The following NRXN3 variants were observed in gnomAD, a reference collection of about 807,000 sequenced individuals.
The protein encoded by NRXN3 is neurexin III.
A neutral mutation model predicts 137.6 loss-of-function variants in NRXN3; 32 were observed. The observed-to-expected ratio is 0.23, with a 90% CI of 0.18 to 0.31. NRXN3 has a LOEUF of 0.31. NRXN3 is among the 10% of genes least tolerant of loss of function. NRXN3 has a pLI of 1.00. For missense variants in NRXN3, 1,574 were observed against 2,062.5 expected, an observed-to-expected ratio of 0.76 and a Z score of 4.59; for synonymous variants, 798 against 784.5, an observed-to-expected ratio of 1.02 and a Z score of -0.29.
intron 15 of NRXN3, among the ~76,000 whole-genome samples, chr14:79,157,586 A>G (rs1398884249): frequency 6.6e-6 from 1 of 151,866 alleles, no homozygotes; most frequent in African/African-American, 2.4e-5. Flanking sequence ...TGTCATCCTC[A>G]TAGATTCCCT....
At chr14:78,216,287 G>A (rs568186065) in intron 1 of NRXN3, among the ~76,000 whole-genome samples, 13 of 152,016 alleles carry the variant, frequency 8.6e-5, no homozygotes, top group Admixed American at 1.3e-4. Context: ...GCTTAGTGCC[G>A]ATGACAGTTT....
chr14:79,435,404 A>C (rs1337302220), intron 15 of NRXN3, among the ~76,000 whole-genome samples: 1 of 152,066 alleles, frequency 6.6e-6, no homozygotes, highest in Non-Finnish European at 1.5e-5. Context: ...TCTTTTGTGC[A>C]CGTGTTGCTG....
chr14:79,665,235 C>CA (rs1277197626), intron 17 of NRXN3, among the ~76,000 whole-genome samples: 1 of 152,096 alleles, frequency 6.6e-6, no homozygotes, highest in Non-Finnish European at 1.5e-5. Flanking sequence ...AAACAGCATG[C>CA]AAGACCCCCA....
At position 79,428,899 on chromosome 14, in the gene NRXN3, G is replaced by A. The variant is rs937952767; in HGVS notation, c.3263-38322G>A. Among the ~76,000 whole-genome samples the A allele has an allele frequency of 3.3e-5, 5 of 152,180 alleles. No homozygotes were observed. In the South Asian group the frequency reaches 1.0e-3, roughly 31 times the overall value. On this transcript the variant is annotated intron_variant, in intron 15 of 20. Transcript: ENST00000335750. Reference sequence around the variant, plus strand: ...AGGAGTGGGCAGATATGTTCTTGAAGAGAATAAATGCAGAACATTATTCTT... The same window carrying A: ...AGGAGTGGGCAGATATGTTCTTGAAAAGAATAAATGCAGAACATTATTCTT...
At chr14:78,544,441 G>A (rs1228549594) in intron 4 of NRXN3, among the ~76,000 whole-genome samples, 1 of 152,208 alleles carries the variant, frequency 6.6e-6, no homozygotes, top group African/African-American at 2.4e-5. Flanking sequence ...CCCTGCCTGA[G>A]TACTTATTTC....
At chr14:78,921,561 T>C (rs751771279) in intron 10 of NRXN3, among the ~76,000 whole-genome samples, 4 of 152,202 alleles carry the variant, frequency 2.6e-5, no homozygotes, top group Non-Finnish European at 5.9e-5. Flanking sequence ...TCTCATCTTT[T>C]TGACATGGTG....
chr14:79,470,947 A>AGTGTGT (rs777013517), intron 16 of NRXN3, among the ~76,000 whole-genome samples: 8 of 102,724 alleles, frequency 7.8e-5, no homozygotes, highest in Admixed American at 2.8e-4. Flanking sequence ...AGAAAGAGAG[A>AGTGTGT]GAGAGTGTGT....
In NRXN3 at chr14:78,285,622, C is replaced by T. The variant is rs143733776; in HGVS notation, c.727+6960C>T. Among the ~76,000 whole-genome samples the T allele has an allele frequency of 3.3e-5, 5 of 152,250 alleles. No individual in the cohort carries two copies. The East Asian group carries it at 9.7e-4, about 29-fold the overall frequency. Reference sequence around the variant, plus strand: ...GGTGTTTACAACTGTGCCCTCTTAGCCTAGAACTCTGACAATACATTGCAG... The same window carrying T: ...GGTGTTTACAACTGTGCCCTCTTAGTCTAGAACTCTGACAATACATTGCAG... On this transcript the variant is annotated intron_variant, in intron 3 of 20. Transcript: ENST00000335750.
In NRXN3 at chr14:79,645,713, T is replaced by C. The variant is rs539568450; in HGVS notation, c.3445-18065T>C. Among the ~76,000 whole-genome samples the C allele has an allele frequency of 2.2e-4, 30 of 135,134 alleles. 6 individuals carry two copies. The highest frequency in any genetic ancestry group is 1.7e-5 in the Non-Finnish European group (1 of 58,046). 88.7% of individuals were successfully genotyped at this position (135,134 alleles called of 152,430 possible). ...CATATATGCCTGCTAAAGAAGTGGC[T>C]AGACTAATCAACAATTATGGATGGG... On this transcript the variant is annotated intron_variant, in intron 16 of 20. Transcript: ENST00000335750.
intron 15 of NRXN3, among the ~76,000 whole-genome samples, chr14:79,397,561 A>G (rs543358022): frequency 9.8e-5 from 15 of 152,340 alleles, no homozygotes; most frequent in Non-Finnish European, 1.5e-4. Context: ...AAGGTTGAAT[A>G]ACAACACTCA....
At chr14:79,665,075 G>A (rs1474734467) in intron 17 of NRXN3, among the ~76,000 whole-genome samples, 1 of 152,164 alleles carries the variant, frequency 6.6e-6, no homozygotes, top group Non-Finnish European at 1.5e-5. Context: ...TGTAGGCCAA[G>A]ACTTTGAATG....
intron 15 of NRXN3, among the ~76,000 whole-genome samples, chr14:78,993,912 C>T (rs573902347): frequency 7.8e-6 from 1 of 128,098 alleles, no homozygotes; most frequent in East Asian, 2.7e-4. Flanking sequence ...TGCAGTGGTG[C>T]GATCTCAGTT....
chr14:78,273,986 G>A (rs985514354), intron 2 of NRXN3, among the ~76,000 whole-genome samples: 5 of 152,256 alleles, frequency 3.3e-5, no homozygotes, highest in African/African-American at 7.2e-5. Context: ...GAGGCTGGCT[G>A]TGCAGCCTGT....
In NRXN3 at chr14:79,433,584, AG is replaced by A. The variant is rs139007063; in HGVS notation, c.3263-33636del. Among the ~76,000 whole-genome samples the A allele has an allele frequency of 8.8e-3, 1,334 of 152,274 alleles. 24 individuals carry two copies. The East Asian group carries it at 0.091, about 10-fold the overall frequency. On this transcript the variant is annotated intron_variant, in intron 15 of 20. Coordinates refer to ENST00000335750, the MANE Select transcript of NRXN3 (RefSeq NM_001330195.2). ...CTTTTTCTTGTATTCCAGATGAAAA[AG>A]AAAAAAACTCACCAGTTTAAAGTGC...
chr14:78,705,794 G>A (rs1046180281), intron 6 of NRXN3, among the ~76,000 whole-genome samples: 1 of 152,198 alleles, frequency 6.6e-6, no homozygotes, highest in African/African-American at 2.4e-5. Context: ...ATTCACAACA[G>A]TGAAAACTCC....
At chr14:79,725,437 G>T (rs1405833704) in intron 19 of NRXN3, among the ~76,000 whole-genome samples, 1 of 152,144 alleles carries the variant, frequency 6.6e-6, no homozygotes, top group South Asian at 2.1e-4. Flanking sequence ...TCTCAGTCAA[G>T]CACATGGGTG....
At chr14:79,159,833 C>T (rs1203248242) in intron 15 of NRXN3, among the ~76,000 whole-genome samples, 14 of 151,850 alleles carry the variant, frequency 9.2e-5, no homozygotes, top group Admixed American at 9.2e-4. Flanking sequence ...CATGTTATAA[C>T]AAGTTAGTAC....
chr14:79,345,557 G>A lies in NRXN3; in HGVS notation c.3263-121664G>A, dbSNP rs74248990. Reference sequence around the variant, plus strand: ...GGTACTTGTCCTCTCCAAATCTCATGTTGAAATAGAATCCCCAGTGTTGGC... The same window carrying A: ...GGTACTTGTCCTCTCCAAATCTCATATTGAAATAGAATCCCCAGTGTTGGC... On this transcript the variant is annotated intron_variant, in intron 15 of 20. Coordinates refer to ENST00000335750, the MANE Select transcript of NRXN3 (RefSeq NM_001330195.2). Among the ~76,000 whole-genome samples the A allele has an allele frequency of 7.7e-3, 1,171 of 152,252 alleles. 23 individuals are homozygous for A. The South Asian group carries it at 0.079, about 10-fold the overall frequency.
chr14:78,628,884 T>C (rs945930329), intron 4 of NRXN3, among the ~76,000 whole-genome samples: 2 of 152,188 alleles, frequency 1.3e-5, no homozygotes, highest in African/African-American at 2.4e-5. Flanking sequence ...AACTCTTGTT[T>C]TGGTAGGAGA....
Sources: allele counts gnomAD v4.1 joint callset (sites outside exome capture counted in the v4.1 genomes callset), GRCh38; gene constraint gnomAD v4.1.1; transcripts MANE v1.5; gene names NCBI Gene and HGNC (gene_info 2026-07-23, HGNC 2026-07-21).